TCP11L2: variants seen among roughly 807,000 people sequenced by gnomAD.
TCP11L2 encodes T-complex protein 11-like protein 2.
Under a neutral mutation model 50.7 loss-of-function variants are expected in TCP11L2, and 39 were observed. That is an observed-to-expected ratio of 0.77 (90% CI 0.60 to 1.01). TCP11L2 has a LOEUF of 1.01. Ranked by LOEUF, TCP11L2 falls within the 50% of genes least tolerant of loss-of-function variation. The pLI is 0.00. For synonymous variants in TCP11L2, 192 were observed against 219.3 expected (o/e 0.88, Z 1.10); for missense variants, 612 against 614.7 (o/e 1.00, Z 0.05).
In TCP11L2 at chr12:106,321,664, T is replaced by C. The variant is rs150164085; in HGVS notation, c.593T>C (p.Ile198Thr). 1.9e-6 allele frequency: 3 copies of C among 1,614,040 alleles called. No homozygotes were observed. Among genetic ancestry groups the C allele is most frequent in the Admixed American group, 1.7e-5 (1 of 59,988 alleles). ...KLCAPVRDND[I>T]RELKATGNIV... is the part of the protein sequence containing the mutation. The stretch of plus-strand genomic sequence containing the variant: ...TGTGCTCCCGTGCGAGATAATGATA[T>C]CAGAGAGTTAAAGGCTACTGGCAAC... Residue 198 changes from isoleucine (I) to threonine (T), a missense_variant, in exon 5 of 10, where the codon ATC becomes ACC. By Grantham distance (89) the Ile-to-Thr change is moderately conservative (BLOSUM62 -1). Transcript: ENST00000299045.
chr12:106,319,167 T>A (rs528088949), intron 4 of TCP11L2, among the ~76,000 whole-genome samples: 584 of 152,232 alleles, frequency 3.8e-3, no homozygotes, highest in Non-Finnish European at 6.7e-3. Flanking sequence ...CACCTTGGCC[T>A]CCCAGAGTGC....
rs752325422 is a variant in TCP11L2, at chr12:106,323,485, T to C, written c.636-25T>C. On this transcript the variant is annotated intron_variant, in intron 5 of 9. Coordinates refer to ENST00000299045, the MANE Select transcript of TCP11L2 (RefSeq NM_152772.3). ...TTCAGCTTCACTTCTTAATCATCTC[T>C]CTATTTTAATTCTAAAATTTTTAGA... 4 of 1,530,598 alleles carry C rather than the reference T, an allele frequency of 2.6e-6. No individual in the cohort carries two copies. The South Asian group carries it at 5.0e-5, about 19-fold the overall frequency. 94.8% of individuals were successfully genotyped at this position (1,530,598 alleles called of 1,614,324 possible).
chr12:106,333,878 C>T (rs1348556194), intron 6 of TCP11L2, among the ~76,000 whole-genome samples: 1 of 152,120 alleles, frequency 6.6e-6, no homozygotes. Flanking sequence ...TTTAATGACT[C>T]TCCTCCCACT....
intron 4 of TCP11L2, among the ~76,000 whole-genome samples, chr12:106,319,961 C>G (rs1294221338): frequency 3.3e-5 from 5 of 152,148 alleles, no homozygotes; most frequent in African/African-American, 4.8e-5. Flanking sequence ...TTCATCTATC[C>G]TTTTTTAAAG....
At chr12:106,322,174 A>T (rs2035364733) in intron 5 of TCP11L2, among the ~76,000 whole-genome samples, 1 of 152,200 alleles carries the variant, frequency 6.6e-6, no homozygotes, top group Non-Finnish European at 1.5e-5. Context: ...CTCATGTCAC[A>T]GTCCAATTCA....
intron 4 of TCP11L2, 61 bp from the exon 5 acceptor site, chr12:106,321,425 T>G (rs767067870): frequency 7.0e-7 from 1 of 1,431,316 alleles, no homozygotes; most frequent in African/African-American, 1.4e-5. Flanking sequence ...GACACTGAGG[T>G]GAAAAGTGAC....
intron 1 of TCP11L2, among the ~76,000 whole-genome samples, chr12:106,309,834 A>G (rs2034779731): frequency 6.6e-6 from 1 of 152,046 alleles, no homozygotes; most frequent in Non-Finnish European, 1.5e-5. Flanking sequence ...TAATGGAATC[A>G]TTGAAGAAAC....
intron 4 of TCP11L2, among the ~76,000 whole-genome samples, chr12:106,319,160 C>T (rs1416464779): frequency 6.6e-6 from 1 of 152,184 alleles, no homozygotes; most frequent in Non-Finnish European, 1.5e-5. Flanking sequence ...ATTCGCCCAC[C>T]TTGGCCTCCC....
intron 2 of TCP11L2, among the ~76,000 whole-genome samples, chr12:106,313,711 T>G (rs2136647922): frequency 6.6e-6 from 1 of 151,262 alleles, no homozygotes; most frequent in African/African-American, 2.4e-5. Flanking sequence ...ATTTCCTATA[T>G]AATACATATA....
rs183896440 is a variant in TCP11L2, at chr12:106,346,051, T to C, written c.1316-235T>C. Among the ~76,000 whole-genome samples the C allele has an allele frequency of 1.2e-4, 18 of 152,294 alleles. No individual in the cohort carries two copies. The East Asian group carries it at 2.3e-3, about 20-fold the overall frequency. On this transcript the variant is annotated intron_variant, in intron 9 of 9. Transcript: ENST00000299045. The stretch of plus-strand genomic sequence containing the variant: ...CTGGTACTCTGGCATTTCCACCGCA[T>C]TCTGTATTGGCCAAAGTAAGTCACA...
intron 9 of TCP11L2, 133 bp downstream of exon 9, chr12:106,341,131 A>C: frequency 1.3e-6 from 1 of 754,096 alleles, no homozygotes; most frequent in Non-Finnish European, 2.2e-6. Context: ...GAAAATATCA[A>C]GAAATATTAA....
chr12:106,333,389 T>C (rs1439429406), intron 6 of TCP11L2, among the ~76,000 whole-genome samples: 3 of 152,202 alleles, frequency 2.0e-5, no homozygotes, highest in African/African-American at 7.2e-5. Flanking sequence ...AGAAACACTA[T>C]GCTAGGTACT....
In TCP11L2 at chr12:106,318,390, G is replaced by A. The variant is rs148807946; in HGVS notation, c.340G>A (p.Val114Ile). 46 of 1,614,030 alleles carry A rather than the reference G, an allele frequency of 2.9e-5. No homozygotes were observed. The African/African-American group carries it at 4.7e-4, about 16-fold the overall frequency. The stretch of plus-strand genomic sequence containing the variant: ...CATTGTTCACCAGGCCTTCTGGGAC[G>A]TCTTGGATTCAGAACTAAATGCTGA... Reference protein sequence around the residue: ...KHIVHQAFWDVLDSELNADPP... With the variant: ...KHIVHQAFWDILDSELNADPP... Residue 114 changes from valine (V) to isoleucine (I), a missense_variant, in exon 4 of 10, where the codon GTC becomes ATC. Val to Ile is a conservative substitution (Grantham distance 29). Coordinates refer to ENST00000299045, the MANE Select transcript of TCP11L2 (RefSeq NM_152772.3).
At chr12:106,312,351 G>A in intron 2 of TCP11L2, 1 of 1,178,038 alleles carries the variant, frequency 8.5e-7, no homozygotes, top group Non-Finnish European at 1.1e-6. Context: ...GATATCACTG[G>A]ATTATTGGAC....
At chr12:106,300,898 A>C (rs1243773701), upstream of TCP11L2, among the ~76,000 whole-genome samples, 3 of 152,204 alleles carry the variant, frequency 2.0e-5, no homozygotes, top group Non-Finnish European at 2.9e-5. Context: ...ATAAAGGACA[A>C]CTACCCTGAC....
chr12:106,334,057 TG>T (rs2136785939), intron 6 of TCP11L2, among the ~76,000 whole-genome samples: 1 of 152,254 alleles, frequency 6.6e-6, no homozygotes, highest in South Asian at 2.1e-4. Flanking sequence ...GTAGAGTGCT[TG>T]GAAGTATCAA....
intron 4 of TCP11L2, among the ~76,000 whole-genome samples, chr12:106,320,396 C>CA (rs56997964): frequency 5.0e-4 from 72 of 145,012 alleles, no homozygotes; most frequent in African/African-American, 1.3e-3. Flanking sequence ...GACTCCATCT[C>CA]AAAAAAAAAA....
intron 4 of TCP11L2, among the ~76,000 whole-genome samples, chr12:106,320,782 A>G (rs9783501): frequency 6.6e-6 from 1 of 152,378 alleles, no homozygotes; most frequent in South Asian, 2.1e-4. Context: ...CAGATGCACA[A>G]CAATAAACAA....
intron 9 of TCP11L2, among the ~76,000 whole-genome samples, chr12:106,342,312 T>G (rs2036114174): frequency 6.6e-6 from 1 of 152,190 alleles, no homozygotes; most frequent in Admixed American, 6.5e-5. Context: ...ACAGTGTTGG[T>G]GTATACGACA....
Sources: allele counts gnomAD v4.1 joint callset (sites outside exome capture counted in the v4.1 genomes callset), GRCh38; gene constraint gnomAD v4.1.1; transcripts MANE v1.5; gene names NCBI Gene and HGNC (gene_info 2026-07-23, HGNC 2026-07-21).